The following ITGBL1 variants were observed in gnomAD, a reference collection of about 807,000 sequenced individuals.
ITGBL1 encodes integrin subunit beta like 1, also known as integrin beta-like protein 1.
In ITGBL1, 51 loss-of-function variants were observed where a neutral mutation model predicts 68.5. That is an observed-to-expected ratio of 0.74 (90% CI 0.59 to 0.94). ITGBL1 has a LOEUF of 0.94. Among genes scored for constraint, ITGBL1 ranks in the 40% least tolerant of loss-of-function variants. ITGBL1 has a pLI of 0.00. For missense variants in ITGBL1, 649 were observed against 647.4 expected (o/e 1.00, Z -0.03); for synonymous variants, 209 against 227.3 (o/e 0.92, Z 0.72).
At chr13:101,574,365 T>G (rs16959094) in intron 3 of ITGBL1, among the ~76,000 whole-genome samples, 2,125 of 152,256 alleles carry the variant, frequency 0.014, 45 homozygotes, top group African/African-American at 0.048. Flanking sequence ...CTATGCTTTT[T>G]CTCTTGGCTT....
intron 7 of ITGBL1, among the ~76,000 whole-genome samples, chr13:101,602,681 A>G (rs564734681): frequency 1.1e-4 from 17 of 152,088 alleles, no homozygotes; most frequent in African/African-American, 4.1e-4. Context: ...TCCAAAAAAA[A>G]AGTTTATCAT....
chr13:101,559,566 A>G (rs1038208855), intron 2 of ITGBL1, among the ~76,000 whole-genome samples: 3 of 152,228 alleles, frequency 2.0e-5, no homozygotes, highest in Non-Finnish European at 4.4e-5. Flanking sequence ...AGTGCTATCC[A>G]ACAACCAATC....
intron 7 of ITGBL1, among the ~76,000 whole-genome samples, chr13:101,684,989 T>C (rs2033723630): frequency 6.6e-6 from 1 of 152,002 alleles, no homozygotes; most frequent in Non-Finnish European, 1.5e-5. Context: ...AAGAGTCATT[T>C]TACATTGTTC....
At chr13:101,561,252 A>T (rs1299928170) in intron 2 of ITGBL1, among the ~76,000 whole-genome samples, 2 of 152,146 alleles carry the variant, frequency 1.3e-5, no homozygotes, top group African/African-American at 4.8e-5. Context: ...CTGAGCTCTC[A>T]CAGAAAGGAC....
intron 9 of ITGBL1, among the ~76,000 whole-genome samples, chr13:101,708,710 G>A (rs1211840098): frequency 6.6e-6 from 1 of 152,154 alleles, no homozygotes; most frequent in Non-Finnish European, 1.5e-5. Flanking sequence ...CAAGAAGGGG[G>A]ATGAAAATGA....
At chr13:101,558,911 ATG>A (rs57018896) in intron 2 of ITGBL1, among the ~76,000 whole-genome samples, 4 of 150,276 alleles carry the variant, frequency 2.7e-5, no homozygotes, top group East Asian at 2.0e-4. Context: ...TTGTGTGTGT[ATG>A]TGTGTGTGTG....
At chr13:101,550,872 G>GA (rs1427501569) in intron 2 of ITGBL1, among the ~76,000 whole-genome samples, 2 of 151,592 alleles carry the variant, frequency 1.3e-5, no homozygotes, top group Non-Finnish European at 2.9e-5. Context: ...TGAATGCCAG[G>GA]AAAAAAAATA....
At chr13:101,702,711 G>A (rs935611628) in intron 8 of ITGBL1, among the ~76,000 whole-genome samples, 3 of 152,140 alleles carry the variant, frequency 2.0e-5, no homozygotes, top group African/African-American at 7.2e-5. Context: ...GAGCATTTGA[G>A]AAGTTCATAG....
chr13:101,719,829 T>G (rs138729437), downstream of ITGBL1: 2 of 152,046 alleles, frequency 1.3e-5, no homozygotes, highest in African/African-American at 4.8e-5. Context: ...AGTGACAGAT[T>G]GCACTTCTTA....
chr13:101,481,975 C>G (rs1397789248), intron 2 of ITGBL1, among the ~76,000 whole-genome samples: 1 of 151,730 alleles, frequency 6.6e-6, no homozygotes, highest in African/African-American at 2.4e-5. Context: ...ATTTAGAAGG[C>G]AATATTTGGG....
chr13:101,488,117 T>G (rs1279517280), intron 2 of ITGBL1, among the ~76,000 whole-genome samples: 1 of 152,332 alleles, frequency 6.6e-6, no homozygotes, highest in East Asian at 1.9e-4. Context: ...TGGTTTTTCT[T>G]GAAGGATGTT....
intron 9 of ITGBL1, chr13:101,712,314 C>T (rs1273730051): frequency 5.9e-5 from 9 of 152,076 alleles, no homozygotes; most frequent in East Asian, 3.9e-4. Context: ...AGTATTTCAG[C>T]GACTAGTAGA....
At chr13:101,677,681 A>G (rs1768178079) in intron 7 of ITGBL1, among the ~76,000 whole-genome samples, 1 of 152,164 alleles carries the variant, frequency 6.6e-6, no homozygotes, top group Non-Finnish European at 1.5e-5. Flanking sequence ...ATTCAGGACA[A>G]TGCTCATGGG....
intron 2 of ITGBL1, among the ~76,000 whole-genome samples, chr13:101,556,462 C>A (rs1285682107): frequency 6.6e-6 from 1 of 151,936 alleles, no homozygotes; most frequent in Non-Finnish European, 1.5e-5. Context: ...CATGGAGAAA[C>A]CCTGTCACTA....
At chr13:101,601,387 C>T (rs1175444859) in intron 7 of ITGBL1, among the ~76,000 whole-genome samples, 3 of 152,120 alleles carry the variant, frequency 2.0e-5, no homozygotes, top group African/African-American at 7.2e-5. Context: ...AAAAAACCAG[C>T]TCCTGGATTC....
At chr13:101,623,548 A>G (rs2031666415) in intron 7 of ITGBL1, among the ~76,000 whole-genome samples, 1 of 152,200 alleles carries the variant, frequency 6.6e-6, no homozygotes, top group South Asian at 2.1e-4. Flanking sequence ...TCCTTCATGT[A>G]TGGCTCCCAT....
At chr13:101,466,842 A>C (rs1479044175) in intron 2 of ITGBL1, among the ~76,000 whole-genome samples, 1 of 152,170 alleles carries the variant, frequency 6.6e-6, no homozygotes, top group Non-Finnish European at 1.5e-5. Flanking sequence ...AACCCGAAGG[A>C]AGGACTCCTT....
intron 2 of ITGBL1, among the ~76,000 whole-genome samples, chr13:101,548,789 T>C (rs933136055): frequency 1.3e-5 from 2 of 151,792 alleles, no homozygotes; most frequent in Non-Finnish European, 1.5e-5. Flanking sequence ...TTTATTGAAA[T>C]TGACAAACTG....
intron 3 of ITGBL1, 66 bp downstream of exon 3, chr13:101,567,911 G>A: frequency 7.6e-7 from 1 of 1,307,264 alleles, no homozygotes; most frequent in Non-Finnish European, 1.1e-6. Context: ...ATGGAAATAT[G>A]TGGGCGTGGA....
Sources: allele counts gnomAD v4.1 joint callset (sites outside exome capture counted in the v4.1 genomes callset), GRCh38; gene constraint gnomAD v4.1.1; transcripts MANE v1.5; gene names NCBI Gene and HGNC (gene_info 2026-07-23, HGNC 2026-07-21).